PRDM6: variants seen among roughly 807,000 people sequenced by gnomAD.
The protein encoded by PRDM6 is putative histone-lysine N-methyltransferase PRDM6.
A neutral mutation model predicts 60.8 loss-of-function variants in PRDM6; 25 were observed. The observed-to-expected ratio is 0.41, with a 90% CI of 0.30 to 0.57. The LOEUF (loss-of-function observed/expected upper bound fraction) is 0.57, where lower values mean the gene tolerates loss of function less well. PRDM6 is among the 20% of genes least tolerant of loss of function. PRDM6 has a pLI of 0.27. For missense variants in PRDM6, 839 were observed against 821.3 expected (o/e 1.02, Z -0.26); for synonymous variants, 407 against 357.4 (o/e 1.14, Z -1.57).
In PRDM6 at chr5:123,187,364, G is replaced by T. The variant is rs1766312480; in HGVS notation, c.*163G>T. ...TGTTAAGAGATATTGATCCTGGCAT[G>T]GAAGTCAGACCAGGAAAGAGATTAT... On this transcript the variant is annotated 3_prime_UTR_variant, in exon 8 of 8. Transcript: ENST00000407847. 1.9e-6 allele frequency: 1 copy of T among 527,210 alleles called. No individual in the cohort carries two copies. The highest frequency in any genetic ancestry group is 3.5e-6 in the Non-Finnish European group (1 of 287,380). The allele number at this position is 527,210 out of a possible 1,614,324, so 32.7% of individuals were successfully genotyped here. A position where few individuals can be genotyped will look rare whatever the true frequency, so the allele number is the denominator to read the frequency against.
At chr5:123,132,151 C>T (rs1315392565) in intron 3 of PRDM6, among the ~76,000 whole-genome samples, 1 of 152,144 alleles carries the variant, frequency 6.6e-6, no homozygotes, top group Non-Finnish European at 1.5e-5. Context: ...TACTTTATGT[C>T]ATACTTAAAA....
chr5:123,187,011 T>G (rs1766302584), intron 7 of PRDM6, 76 bp from the exon 8 acceptor site: 1 of 1,076,258 alleles, frequency 9.3e-7, no homozygotes, highest in Non-Finnish European at 1.4e-6. Context: ...CTGTTCTGAT[T>G]AGGCAGGATG....
chr5:123,161,079 C>T (rs1765620293), intron 5 of PRDM6, among the ~76,000 whole-genome samples: 1 of 152,224 alleles, frequency 6.6e-6, no homozygotes, highest in South Asian at 2.1e-4. Context: ...TTGATGTAAC[C>T]ATCTAGAGTG....
intron 3 of PRDM6, among the ~76,000 whole-genome samples, chr5:123,113,384 T>C (rs1207269053): frequency 2.6e-5 from 4 of 152,224 alleles, no homozygotes; most frequent in African/African-American, 9.6e-5. Context: ...GCTAACATAC[T>C]TAAGCTGAGA....
At chr5:123,107,220 C>CA (rs1225716478) in intron 3 of PRDM6, among the ~76,000 whole-genome samples, 2 of 152,134 alleles carry the variant, frequency 1.3e-5, no homozygotes, top group African/African-American at 4.8e-5. Context: ...ATAATTTTTG[C>CA]AAATTGCACC....
chr5:123,122,319 T>C (rs1764600181), intron 3 of PRDM6, among the ~76,000 whole-genome samples: 1 of 151,954 alleles, frequency 6.6e-6, no homozygotes, highest in African/African-American at 2.4e-5. Flanking sequence ...TACAAAGGAG[T>C]AAATTTAAGA....
chr5:123,104,205 A>G (rs337126), intron 3 of PRDM6, among the ~76,000 whole-genome samples: 14,419 of 152,166 alleles, frequency 0.095, 896 homozygotes, highest in East Asian at 0.27. Context: ...ATGAAAACCA[A>G]TATTAAAAAT....
intron 7 of PRDM6, among the ~76,000 whole-genome samples, chr5:123,180,546 G>C (rs573136271): frequency 6.6e-6 from 1 of 152,188 alleles, no homozygotes; most frequent in Non-Finnish European, 1.5e-5. Context: ...AACCTTGGTC[G>C]TGAGACAAAT....
intron 3 of PRDM6, among the ~76,000 whole-genome samples, chr5:123,117,680 T>C (rs1347659094): frequency 6.6e-6 from 1 of 152,226 alleles, no homozygotes; most frequent in African/African-American, 2.4e-5. Flanking sequence ...ACTCTAAAGC[T>C]AAAGTTCTGT....
At chr5:123,091,968 G>C (rs1484676384) in intron 2 of PRDM6, among the ~76,000 whole-genome samples, 4 of 151,978 alleles carry the variant, frequency 2.6e-5, no homozygotes, top group Admixed American at 1.3e-4. Flanking sequence ...CAACTGCCTC[G>C]TGGTTGAGGT....
At chr5:123,148,732 T>TA (rs1457793605) in intron 3 of PRDM6, among the ~76,000 whole-genome samples, 1 of 152,208 alleles carries the variant, frequency 6.6e-6, no homozygotes, top group African/African-American at 2.4e-5. Context: ...ACATTTGTTC[T>TA]AAAAATAGAA....
At chr5:123,137,984 A>G (rs419201) in intron 3 of PRDM6, among the ~76,000 whole-genome samples, 49,146 of 151,624 alleles carry the variant, frequency 0.32, 8,396 homozygotes, top group Middle Eastern at 0.37. Context: ...AAAACCACGA[A>G]TGCTGATGCT....
chr5:123,148,274 T>C (rs906066461), intron 3 of PRDM6, among the ~76,000 whole-genome samples: 12 of 152,226 alleles, frequency 7.9e-5, no homozygotes, highest in Admixed American at 7.2e-4. Flanking sequence ...AATACAGCAA[T>C]GGTGTATATA....
At chr5:123,121,208 A>G (rs944550199) in intron 3 of PRDM6, among the ~76,000 whole-genome samples, 17 of 151,700 alleles carry the variant, frequency 1.1e-4, no homozygotes, top group Non-Finnish European at 2.2e-4. Flanking sequence ...AGCTTTTTTT[A>G]CCTATGTTTT....
intron 3 of PRDM6, among the ~76,000 whole-genome samples, chr5:123,125,302 G>C (rs1011338662): frequency 6.6e-6 from 1 of 152,062 alleles, no homozygotes; most frequent in African/African-American, 2.4e-5. Context: ...CTCATAGTCT[G>C]TTTGTTGTGT....
intron 1 of PRDM6, 98 bp from the exon 2 acceptor site, chr5:123,089,902 C>T: frequency 2.2e-6 from 2 of 922,914 alleles, no homozygotes; most frequent in Non-Finnish European, 3.2e-6. Context: ...GCCGGCTGAA[C>T]CACCGGCTCG....
At position 123,190,655 on chromosome 5, in the gene PRDM6, T is replaced by G. The variant is rs899499882; in HGVS notation, c.*3454T>G. On this transcript the variant is annotated 3_prime_UTR_variant, in exon 8 of 8. Coordinates refer to ENST00000407847, the MANE Select transcript of PRDM6 (RefSeq NM_001136239.4). ...AATTGAATTTTACCTTGTAAAAATT[T>G]CATTCTGGTTCAGGTATGCAAAGAT... is the stretch of plus-strand genomic sequence containing the variant. 7 of 152,228 alleles carry G rather than the reference T, an allele frequency of 4.6e-5. No individual in the cohort carries two copies. Among genetic ancestry groups the G allele is most frequent in the Non-Finnish European group, 5.9e-5 (4 of 68,046 alleles). 9.4% of individuals were successfully genotyped at this position (152,228 alleles called of 1,614,324 possible).
chr5:123,183,503 A>T (rs2126892669), intron 7 of PRDM6, among the ~76,000 whole-genome samples: 1 of 152,302 alleles, frequency 6.6e-6, no homozygotes, highest in East Asian at 1.9e-4. Context: ...CTGAAATTCC[A>T]CTGAAAGAAT....
intron 3 of PRDM6, among the ~76,000 whole-genome samples, chr5:123,127,757 TC>T (rs1251130121): frequency 6.6e-6 from 1 of 150,942 alleles, no homozygotes; most frequent in African/African-American, 2.4e-5. Flanking sequence ...TTCCTTTCTT[TC>T]CTTTCTTTCT....
Sources: gnomAD v4.1 joint callset for allele counts (sites outside exome capture counted in the v4.1 genomes callset) on GRCh38, gnomAD v4.1.1 for gene constraint, MANE v1.5 for transcripts, NCBI Gene and HGNC (gene_info 2026-07-23, HGNC 2026-07-21) for gene names.